The following PLXDC2 variants were observed in gnomAD, a reference collection of about 807,000 sequenced individuals.
PLXDC2 encodes the protein plexin domain containing 2.
PLXDC2 carries 40 observed loss-of-function variants against 68.9 expected under a neutral mutation model. The observed-to-expected ratio is 0.58, with a 90% CI of 0.45 to 0.76. PLXDC2 has a LOEUF of 0.76. PLXDC2 is among the 30% of genes least tolerant of loss of function. The probability of loss-of-function intolerance (pLI) is 0.00; values close to 1 mark genes in which losing one functional copy is unlikely to be tolerated. For synonymous variants in PLXDC2, 243 were observed against 234.2 expected (o/e 1.04, Z -0.34); for missense variants, 644 against 661.9 (o/e 0.97, Z 0.30).
At chr10:20,207,300 A>C (rs1023109436) in intron 9 of PLXDC2, among the ~76,000 whole-genome samples, 2 of 142,812 alleles carry the variant, frequency 1.4e-5, no homozygotes, top group African/African-American at 5.1e-5. Flanking sequence ...TTAATTAATA[A>C]ATCAAACAAA....
intron 1 of PLXDC2, among the ~76,000 whole-genome samples, chr10:19,849,645 T>C (rs1196217147): frequency 3.3e-5 from 5 of 152,114 alleles, no homozygotes; most frequent in Admixed American, 2.0e-4. Flanking sequence ...CCTTCCACCA[T>C]GATTGTAAGT....
chr10:19,965,614 G>A (rs1834234215), intron 1 of PLXDC2, among the ~76,000 whole-genome samples: 1 of 151,642 alleles, frequency 6.6e-6, no homozygotes, highest in Non-Finnish European at 1.5e-5. Flanking sequence ...TGTGGTGCTA[G>A]CACATACCTT....
intron 2 of PLXDC2, among the ~76,000 whole-genome samples, chr10:20,046,473 G>C (rs7067544): frequency 0.11 from 16,188 of 152,024 alleles, 1,003 homozygotes; most frequent in South Asian, 0.3. Context: ...TTAGAATACT[G>C]CATAGAATAT....
At chr10:20,143,203 A>T in intron 4 of PLXDC2, 92 bp from the exon 5 acceptor site, 1 of 1,313,152 alleles carries the variant, frequency 7.6e-7, no homozygotes, top group Non-Finnish European at 1.0e-6. Context: ...TTTTATTTTC[A>T]TAATATGACT....
chr10:19,828,254 C>T (rs1025080397), intron 1 of PLXDC2, among the ~76,000 whole-genome samples: 2 of 152,206 alleles, frequency 1.3e-5, no homozygotes, highest in African/African-American at 4.8e-5. Context: ...CTTTAGGATC[C>T]TCCTTAACAA....
chr10:20,064,368 C>T (rs1836161035), intron 3 of PLXDC2, among the ~76,000 whole-genome samples: 1 of 151,844 alleles, frequency 6.6e-6, no homozygotes. Flanking sequence ...CTACAGGCGC[C>T]CACCACCACG....
At chr10:20,169,242 C>T (rs1481844320) in intron 7 of PLXDC2, among the ~76,000 whole-genome samples, 2 of 152,044 alleles carry the variant, frequency 1.3e-5, no homozygotes, top group Non-Finnish European at 2.9e-5. Context: ...TGACAAATTG[C>T]TTTCCATCAA....
intron 6 of PLXDC2, among the ~76,000 whole-genome samples, chr10:20,161,898 T>G (rs1211032945): frequency 6.6e-6 from 1 of 151,694 alleles, no homozygotes; most frequent in African/African-American, 2.4e-5. Context: ...GGGCGCAGTG[T>G]CACTTGCCTT....
intron 2 of PLXDC2, among the ~76,000 whole-genome samples, chr10:20,014,218 T>A (rs543676260): frequency 4.2e-4 from 59 of 141,346 alleles, no homozygotes; most frequent in African/African-American, 1.5e-3. Context: ...CCTTCCTTCC[T>A]TCCCTCCTTC....
chr10:19,878,034 G>C (rs1048859167), intron 1 of PLXDC2, among the ~76,000 whole-genome samples: 4 of 152,192 alleles, frequency 2.6e-5, no homozygotes, highest in Admixed American at 2.6e-4. Context: ...AAGACATTTA[G>C]ACTGGGCTTG....
intron 2 of PLXDC2, among the ~76,000 whole-genome samples, chr10:20,003,129 G>C (rs1416526495): frequency 2.0e-5 from 3 of 152,140 alleles, no homozygotes; most frequent in Admixed American, 6.5e-5. Flanking sequence ...TATTTCTTAA[G>C]TTTCTGTAGT....
intron 2 of PLXDC2, among the ~76,000 whole-genome samples, chr10:20,042,105 C>A (rs1487913245): frequency 6.6e-6 from 1 of 152,198 alleles, no homozygotes; most frequent in South Asian, 2.1e-4. Context: ...GTGTGTACCT[C>A]GGGGCTATTT....
At chr10:20,191,360 A>AG (rs1018399688) in intron 9 of PLXDC2, among the ~76,000 whole-genome samples, 3 of 151,818 alleles carry the variant, frequency 2.0e-5, no homozygotes, top group African/African-American at 7.3e-5. Context: ...CAGTCAAGGA[A>AG]GAACTATTCT....
chr10:20,155,483 A>G (rs1045859943), intron 6 of PLXDC2, among the ~76,000 whole-genome samples: 9 of 152,302 alleles, frequency 5.9e-5, no homozygotes, highest in African/African-American at 2.2e-4. Flanking sequence ...ATATATGTAC[A>G]TATATATCTA....
At chr10:20,047,037 G>A (rs369994347) in intron 3 of PLXDC2, 22 bp downstream of exon 3, 4 of 1,556,540 alleles carry the variant, frequency 2.6e-6, no homozygotes, top group Non-Finnish European at 3.5e-6. Context: ...GACATTCAGG[G>A]TTCATTTTAC....
intron 2 of PLXDC2, among the ~76,000 whole-genome samples, chr10:20,004,999 C>G (rs1198217619): frequency 6.6e-6 from 1 of 152,120 alleles, no homozygotes; most frequent in African/African-American, 2.4e-5. Context: ...ATTTGTGTCC[C>G]TGTGTTTTCT....
intron 1 of PLXDC2, among the ~76,000 whole-genome samples, chr10:19,905,510 T>C (rs568368564): frequency 6.6e-6 from 1 of 152,322 alleles, no homozygotes; most frequent in South Asian, 2.1e-4. Flanking sequence ...GTAAGTGATC[T>C]TGGGAAGACT....
At chr10:20,235,753 A>G (rs183371245) in intron 12 of PLXDC2, among the ~76,000 whole-genome samples, 85 of 152,292 alleles carry the variant, frequency 5.6e-4, no homozygotes, top group African/African-American at 2.0e-3. Context: ...AACTTAATGG[A>G]TTTGATAAGT....
At chr10:19,892,831 A>T (rs1331536633) in intron 1 of PLXDC2, among the ~76,000 whole-genome samples, 1 of 152,128 alleles carries the variant, frequency 6.6e-6, no homozygotes, top group Non-Finnish European at 1.5e-5. Flanking sequence ...TTTATCTATA[A>T]ATAAAACCCT....
Sources: allele counts gnomAD v4.1 joint callset (sites outside exome capture counted in the v4.1 genomes callset), GRCh38; gene constraint gnomAD v4.1.1; transcripts MANE v1.5; gene names NCBI Gene and HGNC (gene_info 2026-07-23, HGNC 2026-07-21).